Variants in ADD1 observed in about 807,000 individuals in gnomAD.
The protein encoded by ADD1 is alpha-adducin.
A neutral mutation model predicts 80.5 loss-of-function variants in ADD1; 24 were observed. The ratio of observed to expected loss-of-function variants is 0.30; its 90% confidence interval spans 0.22 to 0.42. ADD1 has a LOEUF of 0.42. Ranked by LOEUF, ADD1 falls within the 10% of genes least tolerant of loss-of-function variation. The pLI, the probability that ADD1 is intolerant of heterozygous loss-of-function variation, is 1.00. For missense variants in ADD1, 948 were observed against 1,019.0 expected, an observed-to-expected ratio of 0.93 and a Z score of 0.95; for synonymous variants, 373 against 393.8, an observed-to-expected ratio of 0.95 and a Z score of 0.63.
intron 1 of ADD1, among the ~76,000 whole-genome samples, chr4:2,848,146 C>T (rs1437003939): frequency 6.7e-6 from 1 of 150,044 alleles, no homozygotes; most frequent in African/African-American, 2.5e-5. Context: ...ACCCAGGAGG[C>T]GGAGGTTACA....
At position 2,916,188 on chromosome 4, in the gene ADD1, A is replaced by G. The variant is rs561788766; in HGVS notation, c.1948+1148A>G. Among the ~76,000 whole-genome samples, 5 of 148,076 alleles carry G rather than the reference A, an allele frequency of 3.4e-5. No homozygotes were observed. The East Asian group carries it at 7.9e-4, about 23-fold the overall frequency. On this transcript the variant is annotated intron_variant, in intron 14 of 15. Coordinates refer to ENST00000683351, the MANE Select transcript of ADD1 (RefSeq NM_001354761.2). ...TATTATTATTATTATTATTATTATT[A>G]TTATTATTATTATTATTATTATTTT...
chr4:2,918,905 G>A (rs1739535619), intron 14 of ADD1, among the ~76,000 whole-genome samples: 1 of 151,330 alleles, frequency 6.6e-6, no homozygotes, highest in Non-Finnish European at 1.5e-5. Flanking sequence ...AAGCTAGAGT[G>A]CAGTGGTGCA....
chr4:2,866,319 A>G (rs1288637328), intron 1 of ADD1, among the ~76,000 whole-genome samples: 3 of 152,060 alleles, frequency 2.0e-5, no homozygotes, highest in African/African-American at 7.2e-5. Flanking sequence ...GGCACGCACC[A>G]TCACACCCAG....
intron 2 of ADD1, among the ~76,000 whole-genome samples, chr4:2,877,156 C>T (rs1005513021): frequency 3.3e-5 from 5 of 152,100 alleles, no homozygotes; most frequent in East Asian, 1.9e-4. Context: ...TTAATCAGGT[C>T]GTTGTATCTG....
intron 1 of ADD1, among the ~76,000 whole-genome samples, chr4:2,845,286 TG>T (rs1306693423): frequency 6.6e-6 from 1 of 152,166 alleles, no homozygotes; most frequent in African/African-American, 2.4e-5. Context: ...TTGGCCAGGA[TG>T]GTCTCAGTCT....
chr4:2,897,882 T>C (rs1420929643), intron 6 of ADD1, among the ~76,000 whole-genome samples: 1 of 152,166 alleles, frequency 6.6e-6, no homozygotes, highest in Non-Finnish European at 1.5e-5. Flanking sequence ...CTCCTTGCAC[T>C]AGATGCAGTG....
chr4:2,899,378 C>G lies in ADD1; in HGVS notation c.1104C>G (p.Pro368=). 2.5e-6 allele frequency: 4 copies of G among 1,614,236 alleles called. No homozygotes were observed. Among genetic ancestry groups the G allele is most frequent in the Non-Finnish European group, 3.4e-6 (4 of 1,180,044 alleles). Residue 368 remains proline, a synonymous_variant, in exon 9 of 16, where the codon CCC becomes CCG. Transcript: ENST00000683351. The part of the protein sequence containing the change: ...SPVGEGTGSP[P]KWQIGEQEFE... The stretch of plus-strand genomic sequence containing the variant: ...TAGGGGAAGGCACTGGATCGCCTCC[C>G]AAGTGGCAGATTGGTGAGCAGGAAT...
Position 2,928,936 on chromosome 4 carries a change from G to A in ADD1, c.*413G>A, listed in dbSNP as rs377009122. On this transcript the variant is annotated 3_prime_UTR_variant, in exon 16 of 16. Coordinates refer to ENST00000683351, the MANE Select transcript of ADD1 (RefSeq NM_001354761.2). ...CCTCCACCCTAAAGTCTCAGGTGAC[G>A]GACTCAGACTCCTGGCTTCATGTGG... The A allele has an allele frequency of 1.4e-4, 27 of 192,336 alleles. No individual in the cohort carries two copies. The highest frequency in any genetic ancestry group is 1.2e-3 in the East Asian group (7 of 5,688). The allele number at this position is 192,336 out of a possible 1,614,324, so 11.9% of individuals were successfully genotyped here. A position where few individuals can be genotyped will look rare whatever the true frequency, so the allele number is the denominator to read the frequency against.
intron 1 of ADD1, among the ~76,000 whole-genome samples, chr4:2,852,209 T>TTTCTTTCCTTTCC (rs1727303140): frequency 1.6e-5 from 2 of 127,376 alleles, no homozygotes; most frequent in African/African-American, 3.1e-5. Context: ...CTTTCTTTCC[T>TTTCTTTCCTTTCC]TTCCTTTCTT....
Position 2,926,205 on chromosome 4 carries a change from C to A in ADD1, c.2047+93C>A. The stretch of plus-strand genomic sequence containing the variant: ...GTGGCGGGAGTCGTGTTAACAGCAA[C>A]ACGGAAGTGTGTGCTTGCATCAGCG... On this transcript the variant is annotated intron_variant, in intron 15 of 15. Transcript: ENST00000683351. This position sits in a 1 kb window ranked among gnomAD's most constrained non-coding sequence, Gnocchi z 5.0. 9.0e-7 allele frequency: 1 copy of A among 1,106,184 alleles called. No homozygotes were observed. The highest frequency in any genetic ancestry group is 1.5e-5 in the African/African-American group (1 of 65,160). The allele number at this position is 1,106,184 out of a possible 1,614,324, so 68.5% of individuals were successfully genotyped here.
chr4:2,898,960 T>C (rs1026759728), intron 8 of ADD1: 7 of 403,648 alleles, frequency 1.7e-5, no homozygotes, highest in Non-Finnish European at 3.1e-5. Flanking sequence ...GTTCACGTTC[T>C]CCCCTCTGCT....
chr4:2,860,149 T>A (rs996563286), intron 1 of ADD1, among the ~76,000 whole-genome samples: 4 of 152,212 alleles, frequency 2.6e-5, no homozygotes, highest in African/African-American at 9.7e-5. Context: ...CACTTAGTTA[T>A]AACTTCCCTG....
intron 6 of ADD1, among the ~76,000 whole-genome samples, chr4:2,895,178 C>T (rs1734990516): frequency 6.6e-6 from 1 of 151,964 alleles, no homozygotes; most frequent in East Asian, 1.9e-4. Flanking sequence ...AGATTTTGAG[C>T]CAAGGATGTT....
intron 6 of ADD1, 55 bp from the exon 7 acceptor site, chr4:2,898,129 C>T: frequency 6.5e-7 from 1 of 1,549,560 alleles, no homozygotes; most frequent in South Asian, 1.2e-5. Flanking sequence ...ACCATATCAT[C>T]AGTCATTGTG....
intron 8 of ADD1, 99 bp downstream of exon 8, chr4:2,898,630 T>C: frequency 1.0e-6 from 1 of 1,003,680 alleles, no homozygotes; most frequent in Non-Finnish European, 1.6e-6. Context: ...AGAGGAGTCT[T>C]TGAGCAATCT....
At chr4:2,849,055 G>A (rs1267434003) in intron 1 of ADD1, among the ~76,000 whole-genome samples, 4 of 152,042 alleles carry the variant, frequency 2.6e-5, no homozygotes, top group South Asian at 2.1e-4. Flanking sequence ...TTTACTTTCC[G>A]TAGATGTTTC....
At chr4:2,847,530 G>A (rs1478858042) in intron 1 of ADD1, among the ~76,000 whole-genome samples, 3 of 151,876 alleles carry the variant, frequency 2.0e-5, no homozygotes, top group Non-Finnish European at 2.9e-5. Context: ...AACCCACACC[G>A]TACACATTTC....
Position 2,844,015 on chromosome 4 carries a change from C to A in ADD1, c.-30C>A, listed in dbSNP as rs1725777042. On this transcript the variant is annotated 5_prime_UTR_variant, in exon 1 of 16. Coordinates refer to ENST00000683351, the MANE Select transcript of ADD1 (RefSeq NM_001354761.2). ...GGAATCCCGCGCGCTGCCCACGATT[C>A]GCTTCTGAGGTGAGGCTAGCTAGCG... 1 of 151,024 alleles carries A rather than the reference C, an allele frequency of 6.6e-6. No individual in the cohort carries two copies. The highest frequency in any genetic ancestry group is 1.8e-4 in the South Asian group (1 of 5,610). The allele number at this position is 151,024 out of a possible 1,614,324, so 9.4% of individuals were successfully genotyped here.
chr4:2,868,035 A>C (rs954081827), intron 1 of ADD1: 7 of 152,244 alleles, frequency 4.6e-5, no homozygotes, highest in African/African-American at 1.7e-4. Context: ...AAATGATCCG[A>C]TCAGAGTAAT....
Sources: gnomAD v4.1 joint callset for allele counts (sites outside exome capture counted in the v4.1 genomes callset) on GRCh38, gnomAD v4.1.1 for gene constraint, Gnocchi (gnomAD v3.1) non-coding constraint, MANE v1.5 for transcripts, NCBI Gene and HGNC (gene_info 2026-07-23, HGNC 2026-07-21) for gene names.